MICU2: variants seen among roughly 807,000 people sequenced by gnomAD.
MICU2 encodes the protein mitochondrial calcium uptake 2.
MICU2 carries 64 observed loss-of-function variants against 60.4 expected under a neutral mutation model. The ratio of observed to expected loss-of-function variants is 1.06; its 90% CI spans 0.87 to 1.31. The LOEUF (loss-of-function observed/expected upper bound fraction) is 1.31. MICU2 is among the 50% of genes most tolerant of loss of function. The probability of loss-of-function intolerance (pLI) is 0.00; values close to 1 mark genes in which losing one functional copy is unlikely to be tolerated. For synonymous variants in MICU2, 201 were observed against 175.0 expected (o/e 1.15, Z -1.17); for missense variants, 569 against 531.0 (o/e 1.07, Z -0.70).
At chr13:21,602,590 G>A (rs1416972930) in intron 1 of MICU2, among the ~76,000 whole-genome samples, 1 of 151,948 alleles carries the variant, frequency 6.6e-6, no homozygotes, top group Non-Finnish European at 1.5e-5. Context: ...AGAAACTAAT[G>A]ATGAATACAC....
intron 1 of MICU2, among the ~76,000 whole-genome samples, chr13:21,580,870 A>G (rs1033199052): frequency 1.3e-5 from 2 of 152,208 alleles, no homozygotes; most frequent in African/African-American, 4.8e-5. Context: ...AATGAAGGTT[A>G]GTGGCAACAG....
At chr13:21,550,667 G>A (rs1044823335) in intron 2 of MICU2, among the ~76,000 whole-genome samples, 5 of 152,194 alleles carry the variant, frequency 3.3e-5, no homozygotes, top group African/African-American at 1.2e-4. Flanking sequence ...ACCCATAGTT[G>A]AAGAATTCAA....
chr13:21,564,103 C>A (rs1331133425), intron 2 of MICU2, among the ~76,000 whole-genome samples: 1 of 152,188 alleles, frequency 6.6e-6, no homozygotes, highest in Non-Finnish European at 1.5e-5. Flanking sequence ...GAGCCCTTAG[C>A]ATATTAATGT....
chr13:21,542,571 CA>C (rs1041778440), intron 2 of MICU2, among the ~76,000 whole-genome samples: 8 of 151,664 alleles, frequency 5.3e-5, no homozygotes, highest in South Asian at 2.1e-4. Flanking sequence ...CAGAATGGGG[CA>C]AAAAACAGGA....
chr13:21,584,051 C>T (rs1888405889), intron 1 of MICU2, among the ~76,000 whole-genome samples: 1 of 152,122 alleles, frequency 6.6e-6, no homozygotes. Context: ...TGTAGAAACA[C>T]ATTGTGCTTT....
intron 6 of MICU2, chr13:21,515,461 T>C: frequency 3.2e-6 from 1 of 311,870 alleles, no homozygotes; most frequent in Non-Finnish European, 6.5e-6. Context: ...TTAAAATAAT[T>C]TAAAGACTTA....
intron 10 of MICU2, 98 bp from the exon 11 acceptor site, chr13:21,495,416 A>T: frequency 8.1e-7 from 1 of 1,233,732 alleles, no homozygotes; most frequent in Non-Finnish European, 1.1e-6. Flanking sequence ...GCAAATCCAA[A>T]TTTTTATTAT....
chr13:21,552,274 T>A (rs181619706), intron 2 of MICU2, among the ~76,000 whole-genome samples: 38 of 152,106 alleles, frequency 2.5e-4, no homozygotes, highest in African/African-American at 8.5e-4. Flanking sequence ...CACTTTTTGA[T>A]GGGGTTGTTT....
intron 4 of MICU2, chr13:21,531,278 A>C: frequency 1.9e-6 from 3 of 1,564,566 alleles, no homozygotes; most frequent in Non-Finnish European, 2.6e-6. Flanking sequence ...GATCCCTTCA[A>C]AGCAAACACA....
chr13:21,514,819 T>C (rs566039718), intron 6 of MICU2, among the ~76,000 whole-genome samples: 146 of 151,378 alleles, frequency 9.6e-4, no homozygotes, highest in Non-Finnish European at 1.8e-3. Context: ...GGATTACAGG[T>C]GTGAGCCACC....
chr13:21,574,658 C>T (rs1888184030), intron 1 of MICU2, among the ~76,000 whole-genome samples: 1 of 152,192 alleles, frequency 6.6e-6, no homozygotes, highest in African/African-American at 2.4e-5. Flanking sequence ...AAAGGGCCTT[C>T]CCTATAGCTT....
chr13:21,501,254 T>C (rs1251831134), intron 9 of MICU2, among the ~76,000 whole-genome samples: 1 of 152,000 alleles, frequency 6.6e-6, no homozygotes, highest in Non-Finnish European at 1.5e-5. Flanking sequence ...GTTGACATTC[T>C]TTTCATATAA....
intron 9 of MICU2, 23 bp downstream of exon 9, chr13:21,502,903 G>A (rs1307161030): frequency 6.4e-7 from 1 of 1,571,562 alleles, no homozygotes; most frequent in South Asian, 1.2e-5. Flanking sequence ...TTTATCACAT[G>A]CATAATAAAA....
At chr13:21,556,684 T>C (rs939536081) in intron 2 of MICU2, among the ~76,000 whole-genome samples, 10 of 152,070 alleles carry the variant, frequency 6.6e-5, no homozygotes, top group African/African-American at 2.4e-5. Context: ...CCAGGAAGCA[T>C]GTAGGCAAGT....
At chr13:21,551,293 T>C (rs1444127717) in intron 2 of MICU2, 2 of 152,376 alleles carry the variant, frequency 1.3e-5, no homozygotes, top group Non-Finnish European at 2.9e-5. Flanking sequence ...ATATTTTTTA[T>C]ACATTTAAAA....
At position 21,502,953 on chromosome 13, in the gene MICU2, AT is replaced by A; in HGVS notation, c.905del (p.Asn302MetfsTer2). 6.2e-7 allele frequency: 1 copy of A among 1,611,266 alleles called. No homozygotes were observed. The highest frequency in any genetic ancestry group is 8.5e-7 in the Non-Finnish European group (1 of 1,179,472). On this transcript the variant is annotated frameshift_variant, in exon 9 of 12. Coordinates refer to ENST00000382374, the MANE Select transcript of MICU2 (RefSeq NM_152726.3). LOFTEE classifies it high-confidence loss of function. ...CTCCTGCTGACAACTTCTCTCTCACATTTTTCCAATAAATATCTTTATTTTC... is the reference window on the plus strand; with the variant it reads ...CTCCTGCTGACAACTTCTCTCTCACATTTTCCAATAAATATCTTTATTTTC... ...NTENKDIYWK[N>X]VREKLSAGES...
intron 1 of MICU2, among the ~76,000 whole-genome samples, chr13:21,597,930 CAA>C (rs11428461): frequency 7.1e-5 from 6 of 84,724 alleles, no homozygotes; most frequent in African/African-American, 1.8e-4. Flanking sequence ...GACTCTGTCT[CAA>C]AAAAAAAAAA....
At chr13:21,521,180 G>T in intron 6 of MICU2, 65 bp downstream of exon 6, 2 of 1,249,210 alleles carry the variant, frequency 1.6e-6, no homozygotes, top group Non-Finnish European at 1.1e-6. Context: ...TAATGGAAAT[G>T]TAAAATTATC....
Position 21,520,043 on chromosome 13 carries a change from C to T in MICU2, c.597+1202G>A, listed in dbSNP as rs1409296291. 2.0e-5 allele frequency among the ~76,000 whole-genome samples: 3 copies of T among 152,202 alleles called. No individual in the cohort carries two copies. The South Asian group carries it at 6.2e-4, about 32-fold the overall frequency. On this transcript the variant is annotated intron_variant, in intron 6 of 11. Transcript: ENST00000382374. ...TGACTCTCTCCTGGCCTCAGGCAACCAGTGATCTGCTTTTAGTAGGTAAGT... is the reference window on the plus strand; with the variant it reads ...TGACTCTCTCCTGGCCTCAGGCAACTAGTGATCTGCTTTTAGTAGGTAAGT...
Sources: gnomAD v4.1 joint callset for allele counts (sites outside exome capture counted in the v4.1 genomes callset) on GRCh38, gnomAD v4.1.1 for gene constraint, MANE v1.5 for transcripts, NCBI Gene and HGNC (gene_info 2026-07-23, HGNC 2026-07-21) for gene names.